Variants in FMN2 observed in about 807,000 individuals in gnomAD.
FMN2 encodes formin-2.
In FMN2, 51 loss-of-function variants were observed where a neutral mutation model predicts 142.3. The ratio of observed to expected loss-of-function variants is 0.36; its 90% CI spans 0.29 to 0.45. FMN2 has a LOEUF of 0.45. FMN2 is among the 20% of genes least tolerant of loss of function. FMN2 has a pLI of 1.00. For missense variants in FMN2, 1,936 were observed against 2,122.8 expected, an observed-to-expected ratio of 0.91 and a Z score of 1.73; for synonymous variants, 882 against 869.8, an observed-to-expected ratio of 1.01 and a Z score of -0.25.
intron 8 of FMN2, among the ~76,000 whole-genome samples, chr1:240,305,530 T>A (rs759822853): frequency 1.3e-5 from 2 of 152,226 alleles, no homozygotes; most frequent in Non-Finnish European, 2.9e-5. Flanking sequence ...AGAGCCATAA[T>A]GTATGCCTAA....
At chr1:240,215,473 G>C (rs1325777532) in intron 6 of FMN2, among the ~76,000 whole-genome samples, 2 of 152,126 alleles carry the variant, frequency 1.3e-5, no homozygotes, top group East Asian at 3.9e-4. Context: ...TGGCTTCAAA[G>C]CCTCTGCTCT....
intron 1 of FMN2, among the ~76,000 whole-genome samples, chr1:240,112,318 G>C (rs1661843007): frequency 4.6e-5 from 7 of 152,086 alleles, no homozygotes; most frequent in Admixed American, 4.6e-4. Context: ...TTTTAGTAGA[G>C]ACCGGGTTTC....
At chr1:240,139,566 G>A (rs1391216897) in intron 2 of FMN2, among the ~76,000 whole-genome samples, 1 of 151,954 alleles carries the variant, frequency 6.6e-6, no homozygotes, top group Admixed American at 6.6e-5. Context: ...GAATGATAAA[G>A]ACAAAAAAAC....
intron 6 of FMN2, among the ~76,000 whole-genome samples, chr1:240,213,665 C>G (rs1001691355): frequency 6.6e-6 from 1 of 152,192 alleles, no homozygotes; most frequent in African/African-American, 2.4e-5. Flanking sequence ...AATTAATAGC[C>G]TTTAATGCCG....
At chr1:240,121,514 T>C (rs551099287) in intron 1 of FMN2, among the ~76,000 whole-genome samples, 1 of 151,734 alleles carries the variant, frequency 6.6e-6, no homozygotes, top group South Asian at 2.1e-4. Context: ...TAGCTGGGAC[T>C]ACAGGCGCTG....
chr1:240,291,569 G>T (rs1669795002), intron 7 of FMN2, among the ~76,000 whole-genome samples: 1 of 152,020 alleles, frequency 6.6e-6, no homozygotes, highest in South Asian at 2.1e-4. Flanking sequence ...TTAAATTTTG[G>T]ATTTATCTGA....
Position 240,093,454 on chromosome 1 carries a change from C to T in FMN2, c.1345C>T (p.Pro449Ser). 2 of 1,613,600 alleles carry T rather than the reference C, an allele frequency of 1.2e-6. No individual in the cohort carries two copies. The highest frequency in any genetic ancestry group is 8.5e-7 in the Non-Finnish European group (1 of 1,179,762). ...CCCCAGGATCAAGAGGCGGCCGGAA[C>T]CCTCCCTGAGCCGAGGGTCCAGAAC... ...QSPRIKRRPEPSLSRGSRTAL... is the reference protein window; with the variant it reads ...QSPRIKRRPESSLSRGSRTAL... The change falls in exon 1 of 18, where the codon CCC (proline) becomes TCC (serine). Residue 449 changes from proline (P) to serine (S), a missense_variant. Pro to Ser is a moderately conservative substitution (Grantham distance 74, BLOSUM62 -1). This residue lies in a region of FMN2 where 751 missense variants were observed against 791.8 expected (regional missense o/e 0.95). Transcript: ENST00000319653.
intron 1 of FMN2, among the ~76,000 whole-genome samples, chr1:240,114,458 G>C (rs1250275795): frequency 6.6e-6 from 1 of 152,034 alleles, no homozygotes; most frequent in Non-Finnish European, 1.5e-5. Context: ...CCCAGCAGGG[G>C]CCCACCATGT....
At chr1:240,124,042 A>G (rs573921611) in intron 2 of FMN2, among the ~76,000 whole-genome samples, 1 of 152,260 alleles carries the variant, frequency 6.6e-6, no homozygotes, top group Admixed American at 6.5e-5. Flanking sequence ...CATTGTATGT[A>G]TATGTTGCAT....
intron 6 of FMN2, among the ~76,000 whole-genome samples, chr1:240,238,843 A>C (rs554842920): frequency 3.3e-5 from 5 of 152,200 alleles, no homozygotes; most frequent in Admixed American, 1.3e-4. Flanking sequence ...GCAATCTGTT[A>C]TACTCAACAA....
intron 6 of FMN2, among the ~76,000 whole-genome samples, chr1:240,247,729 A>G (rs900922226): frequency 2.6e-5 from 4 of 152,170 alleles, no homozygotes; most frequent in East Asian, 3.9e-4. Flanking sequence ...AAGGCTTTCA[A>G]AATTCAGAGT....
intron 15 of FMN2, among the ~76,000 whole-genome samples, chr1:240,411,570 CAAA>C (rs757715188): frequency 1.9e-5 from 2 of 103,664 alleles, no homozygotes; most frequent in Non-Finnish European, 2.0e-5. Flanking sequence ...GACTCCATCT[CAAA>C]AAAAAAAAAA....
At chr1:240,281,394 G>A (rs150379597) in intron 7 of FMN2, among the ~76,000 whole-genome samples, 244 of 152,148 alleles carry the variant, frequency 1.6e-3, no homozygotes, top group Non-Finnish European at 3.0e-3. Context: ...TTCCTTCCTA[G>A]GACATATGGT....
intron 16 of FMN2, among the ~76,000 whole-genome samples, chr1:240,454,228 G>A (rs1241653775): frequency 6.6e-6 from 1 of 152,114 alleles, no homozygotes; most frequent in Non-Finnish European, 1.5e-5. Flanking sequence ...CACTCTTGCT[G>A]AGCATCATTC....
intron 14 of FMN2, among the ~76,000 whole-genome samples, chr1:240,386,732 G>C (rs1049861632): frequency 6.6e-6 from 1 of 152,148 alleles, no homozygotes; most frequent in Admixed American, 6.6e-5. Context: ...ATCACCAAAT[G>C]CAAAAATGCT....
At chr1:240,151,007 G>T (rs769754992) in intron 2 of FMN2, among the ~76,000 whole-genome samples, 27 of 152,128 alleles carry the variant, frequency 1.8e-4, no homozygotes, top group Non-Finnish European at 4.4e-5. Flanking sequence ...GAAATATATG[G>T]TAGAAATTAA....
chr1:240,464,185 T>C (rs1676538880), intron 16 of FMN2, among the ~76,000 whole-genome samples: 1 of 152,160 alleles, frequency 6.6e-6, no homozygotes, highest in South Asian at 2.1e-4. Flanking sequence ...GTGTACAATT[T>C]ATTTGTTTTG....
At chr1:240,413,120 C>CTCAAAAAAA (rs1259612812) in intron 15 of FMN2, among the ~76,000 whole-genome samples, 2 of 24,566 alleles carry the variant, frequency 8.1e-5, no homozygotes, top group African/African-American at 2.3e-4. Flanking sequence ...GAGACTCTGT[C>CTCAAAAAAA]AAAAAAAAAA....
intron 15 of FMN2, among the ~76,000 whole-genome samples, chr1:240,419,040 G>A (rs576783955): frequency 1.1e-4 from 17 of 152,322 alleles, no homozygotes; most frequent in African/African-American, 2.9e-4. Context: ...CCCGCGAGGC[G>A]GAGGTTGCAG....
Sources: gnomAD v4.1 joint callset for allele counts (sites outside exome capture counted in the v4.1 genomes callset) on GRCh38, gnomAD v4.1.1 for gene constraint, gnomAD v4.1.1 regional missense constraint, MANE v1.5 for transcripts, NCBI Gene and HGNC (gene_info 2026-07-23, HGNC 2026-07-21) for gene names.